VPS50: variants seen among roughly 807,000 people sequenced by gnomAD.
The protein encoded by VPS50 is VPS50 subunit of EARP/GARPII complex.
VPS50 carries 70 observed loss-of-function variants against 139.7 expected under a neutral mutation model. That is an observed-to-expected ratio of 0.50 (90% confidence interval 0.41 to 0.61). VPS50 has a LOEUF of 0.61. Among genes scored for constraint, VPS50 ranks in the 20% least tolerant of loss-of-function variants. The pLI is 0.00. For missense variants in VPS50, 921 were observed against 1,133.7 expected, an observed-to-expected ratio of 0.81 and a Z score of 2.69; for synonymous variants, 365 against 376.7, an observed-to-expected ratio of 0.97 and a Z score of 0.36.
In VPS50 at chr7:93,268,752, T is replaced by C. The variant is rs1439796577; in HGVS notation, c.660-2468T>C. ...TTGATGGGCATTTGGGTTGACTCCA[T>C]TTCTTTGCTATTCACATGTCTTTGC... On this transcript the variant is annotated intron_variant, in intron 9 of 27. Coordinates refer to ENST00000305866, the MANE Select transcript of VPS50 (RefSeq NM_017667.4). Among the ~76,000 whole-genome samples the C allele has an allele frequency of 4.6e-5, 7 of 152,152 alleles. No individual in the cohort carries two copies. The East Asian group carries it at 1.3e-3, about 29-fold the overall frequency.
In VPS50 at chr7:93,353,711, T is replaced by C. The variant is rs1562902495; in HGVS notation, c.2535T>C (p.Asn845=). The C allele has an allele frequency of 1.9e-6, 3 of 1,612,630 alleles. No individual in the cohort carries two copies. The highest frequency in any genetic ancestry group is 1.7e-5 in the Admixed American group (1 of 59,956). Reference sequence around the variant, plus strand: ...TTCGCATACCCTTGCCTGTGTCTAATATACTTTGGGAACATTGTATACGAT... The same window carrying C: ...TTCGCATACCCTTGCCTGTGTCTAACATACTTTGGGAACATTGTATACGAT... ...KRVRIPLPVS[N]ILWEHCIRLA... is the part of the protein sequence containing the mutation. The change falls in exon 26 of 28, where the codon AAT becomes AAC. Residue 845 remains asparagine, a synonymous_variant. Transcript: ENST00000305866.
intron 1 of VPS50, among the ~76,000 whole-genome samples, chr7:93,238,968 A>G (rs1468991513): frequency 1.3e-5 from 2 of 152,154 alleles, no homozygotes; most frequent in African/African-American, 4.8e-5. Context: ...GTGGTATTTT[A>G]CAACAGGGAA....
intron 10 of VPS50, 103 bp downstream of exon 10, chr7:93,271,365 T>A (rs892726620): frequency 1.5e-6 from 2 of 1,339,662 alleles, no homozygotes; most frequent in Admixed American, 6.1e-5. Context: ...ATTACCAATG[T>A]CTCTAGATCA....
At chr7:93,256,880 G>T (rs1417642921) in intron 5 of VPS50, among the ~76,000 whole-genome samples, 1 of 151,972 alleles carries the variant, frequency 6.6e-6, no homozygotes, top group Non-Finnish European at 1.5e-5. Flanking sequence ...CCACTCATTG[G>T]CAATATAACA....
At chr7:93,348,882 GT>G in intron 24 of VPS50, 75 bp downstream of exon 24, 33 of 1,049,826 alleles carry the variant, frequency 3.1e-5, no homozygotes, top group Admixed American at 4.2e-5. Flanking sequence ...ATTTTTTGTT[GT>G]TTTTTTTAAC....
At position 93,330,776 on chromosome 7, in the gene VPS50, A is replaced by AAC. The variant is rs1329888868; in HGVS notation, c.1978-3340_1978-3339insCA. Among the ~76,000 whole-genome samples the AAC allele has an allele frequency of 5.9e-5, 9 of 151,296 alleles. No homozygotes were observed. In the East Asian group the frequency reaches 1.4e-3, roughly 23 times the overall value. On this transcript the variant is annotated intron_variant, in intron 21 of 27. Transcript: ENST00000305866. ...GACCCTGTCTCAAAAAAAAAAAAAA[A>AAC]AAAAAACCCAAACAATTGTGCTGGA...
intron 23 of VPS50, among the ~76,000 whole-genome samples, chr7:93,347,718 T>C (rs1431067486): frequency 6.8e-6 from 1 of 147,886 alleles, no homozygotes; most frequent in Non-Finnish European, 1.5e-5. Flanking sequence ...CAGTAAACTA[T>C]CGCAAGAACA....
intron 22 of VPS50, among the ~76,000 whole-genome samples, chr7:93,336,189 G>A (rs781587538): frequency 1.1e-4 from 17 of 152,048 alleles, no homozygotes; most frequent in Non-Finnish European, 2.2e-4. Flanking sequence ...TCTCTTGCAC[G>A]TCAGTTAAAA....
At chr7:93,336,848 T>C (rs1769203385) in intron 22 of VPS50, among the ~76,000 whole-genome samples, 1 of 152,220 alleles carries the variant, frequency 6.6e-6, no homozygotes, top group Admixed American at 6.5e-5. Context: ...ATAAAAAGTA[T>C]TTTAAATTTG....
intron 25 of VPS50, among the ~76,000 whole-genome samples, chr7:93,350,736 G>A (rs1290253007): frequency 6.6e-6 from 1 of 152,156 alleles, no homozygotes; most frequent in Admixed American, 6.5e-5. Flanking sequence ...GACAGGATGT[G>A]AGTGGAAGAG....
chr7:93,268,192 C>T (rs1055306445), intron 9 of VPS50, among the ~76,000 whole-genome samples: 1 of 152,152 alleles, frequency 6.6e-6, no homozygotes, highest in African/African-American at 2.4e-5. Flanking sequence ...TGAAGTTAGA[C>T]CCCTGCTCAG....
chr7:93,350,060 TA>T, intron 25 of VPS50, 27 bp downstream of exon 25: 1 of 1,555,256 alleles, frequency 6.4e-7, no homozygotes. Flanking sequence ...GCACCTGTGC[TA>T]AAGATCAATC....
At chr7:93,237,519 TA>T (rs1794851155) in intron 1 of VPS50, among the ~76,000 whole-genome samples, 1 of 152,220 alleles carries the variant, frequency 6.6e-6, no homozygotes, top group Admixed American at 6.5e-5. Context: ...TTTTTCTAGA[TA>T]TTGGTATATA....
chr7:93,282,136 G>A (rs1358925309), intron 12 of VPS50, among the ~76,000 whole-genome samples: 2 of 151,880 alleles, frequency 1.3e-5, no homozygotes, highest in Admixed American at 6.6e-5. Context: ...CCCTGGAGGC[G>A]GAGCTTGCCG....
At chr7:93,289,486 A>G (rs1429066776) in intron 12 of VPS50, among the ~76,000 whole-genome samples, 6 of 152,020 alleles carry the variant, frequency 3.9e-5, no homozygotes, top group African/African-American at 1.4e-4. Context: ...GACCTCACAT[A>G]TGGTGTTTTT....
chr7:93,346,820 CA>C (rs1359465920), intron 23 of VPS50, among the ~76,000 whole-genome samples: 2 of 133,882 alleles, frequency 1.5e-5, no homozygotes, highest in Non-Finnish European at 3.1e-5. Context: ...ATACAAAAAT[CA>C]ATTCAAGATG....
chr7:93,287,752 G>A (rs972550540), intron 12 of VPS50, among the ~76,000 whole-genome samples: 6 of 152,184 alleles, frequency 3.9e-5, no homozygotes, highest in Admixed American at 3.9e-4. Context: ...GGGTATGATT[G>A]CTGAGTTGCA....
At chr7:93,294,425 C>G (rs1365230965) in intron 13 of VPS50, 120 bp from the exon 14 acceptor site, 8 of 837,688 alleles carry the variant, frequency 9.6e-6, no homozygotes, top group Non-Finnish European at 1.4e-5. Flanking sequence ...GTATAAATAT[C>G]AAACATATTT....
chr7:93,311,130 A>C, intron 19 of VPS50, 36 bp from the exon 20 acceptor site: 1 of 871,052 alleles, frequency 1.1e-6, no homozygotes, highest in South Asian at 1.3e-5. Flanking sequence ...ATTACTTGAC[A>C]ACTCTAGCAA....
Sources: gnomAD v4.1 joint callset for allele counts (sites outside exome capture counted in the v4.1 genomes callset) on GRCh38, gnomAD v4.1.1 for gene constraint, MANE v1.5 for transcripts, NCBI Gene and HGNC (gene_info 2026-07-23, HGNC 2026-07-21) for gene names.